The following CDYL2 variants were observed in gnomAD, a reference collection of about 807,000 sequenced individuals.
The protein encoded by CDYL2 is chromodomain Y like 2.
A neutral mutation model predicts 49.4 loss-of-function variants in CDYL2; 23 were observed. The observed-to-expected ratio is 0.47, with a 90% CI of 0.34 to 0.66. The LOEUF (loss-of-function observed/expected upper bound fraction) is 0.66. Among genes scored for constraint, CDYL2 ranks in the 30% least tolerant of loss-of-function variants. CDYL2 has a pLI of 0.01. For synonymous variants in CDYL2, 360 were observed against 268.8 expected (o/e 1.34, Z -3.32); for missense variants, 678 against 656.4 (o/e 1.03, Z -0.36).
intron 1 of CDYL2, among the ~76,000 whole-genome samples, chr16:80,775,444 T>C (rs938463877): frequency 1.3e-5 from 2 of 151,884 alleles, no homozygotes; most frequent in African/African-American, 2.4e-5. Flanking sequence ...GAGCTTGCCT[T>C]TTTCAAGGGG....
intron 1 of CDYL2, among the ~76,000 whole-genome samples, chr16:80,730,278 C>T (rs950413751): frequency 5.3e-5 from 8 of 152,036 alleles, no homozygotes; most frequent in Non-Finnish European, 7.4e-5. Flanking sequence ...ATATCACCAC[C>T]GATCCCACAG....
intron 2 of CDYL2, among the ~76,000 whole-genome samples, chr16:80,641,853 A>G (rs901170785): frequency 6.6e-6 from 1 of 151,896 alleles, no homozygotes; most frequent in Non-Finnish European, 1.5e-5. Flanking sequence ...CATATGTAAC[A>G]AACCTGCACA....
At chr16:80,722,998 G>C (rs561762856) in intron 1 of CDYL2, among the ~76,000 whole-genome samples, 1 of 152,350 alleles carries the variant, frequency 6.6e-6, no homozygotes, top group South Asian at 2.1e-4. Flanking sequence ...AAGACATAGA[G>C]GGGCCATGGG....
intron 1 of CDYL2, among the ~76,000 whole-genome samples, chr16:80,698,222 G>A (rs540324554): frequency 2.2e-4 from 34 of 152,154 alleles, no homozygotes; most frequent in Admixed American, 2.0e-3. Flanking sequence ...CTAAGACCTC[G>A]AAAGCACAGG....
chr16:80,609,435 G>A (rs767561769), intron 5 of CDYL2, among the ~76,000 whole-genome samples: 2 of 152,186 alleles, frequency 1.3e-5, no homozygotes, highest in East Asian at 1.9e-4. Flanking sequence ...CTGATGGTTC[G>A]TGATGACCCA....
chr16:80,701,332 T>C (rs184392479), intron 1 of CDYL2, among the ~76,000 whole-genome samples: 14 of 152,348 alleles, frequency 9.2e-5, no homozygotes, highest in Admixed American at 2.6e-4. Context: ...TGGTTTTCTC[T>C]AAGGCAGGGA....
chr16:80,660,261 A>C (rs955372326), intron 2 of CDYL2, among the ~76,000 whole-genome samples: 5 of 152,118 alleles, frequency 3.3e-5, no homozygotes, highest in Non-Finnish European at 7.4e-5. Context: ...TAGTAAATGT[A>C]ATTACTGGCT....
chr16:80,712,766 G>C (rs113697060), intron 1 of CDYL2, among the ~76,000 whole-genome samples: 14 of 152,260 alleles, frequency 9.2e-5, no homozygotes, highest in African/African-American at 3.1e-4. Flanking sequence ...CAACAAAAAG[G>C]ACTGTGTCCC....
intron 2 of CDYL2, among the ~76,000 whole-genome samples, chr16:80,681,067 A>G (rs193215925): frequency 5.3e-4 from 81 of 152,300 alleles, no homozygotes; most frequent in African/African-American, 1.9e-3. Flanking sequence ...CGGAGCCCCA[A>G]TTTAGCATTT....
chr16:80,737,284 G>T (rs1905569572), intron 1 of CDYL2, among the ~76,000 whole-genome samples: 1 of 152,138 alleles, frequency 6.6e-6, no homozygotes, highest in Non-Finnish European at 1.5e-5. Flanking sequence ...TTTCCTTTCT[G>T]GTATAGTGGC....
intron 1 of CDYL2, among the ~76,000 whole-genome samples, chr16:80,749,422 G>C (rs1415283987): frequency 6.6e-5 from 10 of 152,096 alleles, no homozygotes; most frequent in Admixed American, 6.5e-4. Context: ...ATTTTAACAA[G>C]TCCTAGTCCA....
intron 4 of CDYL2, among the ~76,000 whole-genome samples, chr16:80,619,125 C>G (rs749606955): frequency 9.2e-5 from 14 of 152,138 alleles, no homozygotes; most frequent in African/African-American, 3.4e-4. Flanking sequence ...CATGACTCTA[C>G]GCTCTCCCTT....
At chr16:80,798,287 C>G (rs569542649) in intron 1 of CDYL2, among the ~76,000 whole-genome samples, 3 of 152,334 alleles carry the variant, frequency 2.0e-5, no homozygotes, top group East Asian at 1.9e-4. Context: ...AAGCTATCCA[C>G]CTGCCTTGGC....
intron 2 of CDYL2, among the ~76,000 whole-genome samples, chr16:80,675,834 C>G (rs931038640): frequency 6.6e-6 from 1 of 152,164 alleles, no homozygotes; most frequent in Non-Finnish European, 1.5e-5. Flanking sequence ...ATCGCTTCCA[C>G]TCCCCCACTA....
intron 3 of CDYL2, chr16:80,632,732 TTCTGGGTCTGCC>T: frequency 2.6e-6 from 1 of 377,638 alleles, no homozygotes; most frequent in Admixed American, 3.8e-5. Flanking sequence ...GATGTTTGGA[TTCTGGGTCTGCC>T]CCTTGGCTAA....
At chr16:80,789,712 G>A (rs945899729) in intron 1 of CDYL2, among the ~76,000 whole-genome samples, 4 of 152,058 alleles carry the variant, frequency 2.6e-5, no homozygotes, top group African/African-American at 2.4e-5. Flanking sequence ...AAATGTCCAT[G>A]GAATATCATG....
chr16:80,698,969 T>C (rs1157920464), intron 1 of CDYL2, among the ~76,000 whole-genome samples: 2 of 152,090 alleles, frequency 1.3e-5, no homozygotes, highest in Non-Finnish European at 2.9e-5. Context: ...AGATAACATC[T>C]CACCCCAGGT....
chr16:80,695,289 T>A (rs951125098), intron 1 of CDYL2, among the ~76,000 whole-genome samples: 1 of 152,166 alleles, frequency 6.6e-6, no homozygotes, highest in East Asian at 1.9e-4. Context: ...TTGCCAACAC[T>A]TATCACTATA....
At chr16:80,779,318 A>G (rs1352057114) in intron 1 of CDYL2, among the ~76,000 whole-genome samples, 2 of 151,772 alleles carry the variant, frequency 1.3e-5, no homozygotes, top group Non-Finnish European at 2.9e-5. Flanking sequence ...TCTATTATCA[A>G]TAAGAAATGA....
Sources: gnomAD v4.1 joint callset for allele counts (sites outside exome capture counted in the v4.1 genomes callset) on GRCh38, gnomAD v4.1.1 for gene constraint, MANE v1.5 for transcripts, NCBI Gene and HGNC (gene_info 2026-07-23, HGNC 2026-07-21) for gene names.